The following CRYL1 variants were observed in gnomAD, a reference collection of about 807,000 sequenced individuals.
CRYL1 encodes lambda-crystallin homolog.
In CRYL1, 29 loss-of-function variants were observed where a neutral mutation model predicts 36.6. That is an observed-to-expected ratio of 0.79 (90% CI 0.59 to 1.08). The LOEUF is 1.08. CRYL1 is among the 50% of genes least tolerant of loss of function. The probability of loss-of-function intolerance (pLI) is 0.00; values close to 1 mark genes in which losing one functional copy is unlikely to be tolerated. For synonymous variants in CRYL1, 152 were observed against 151.5 expected (o/e 1.00, Z -0.02); for missense variants, 411 against 407.9 (o/e 1.01, Z -0.06).
intron 2 of CRYL1, among the ~76,000 whole-genome samples, chr13:20,491,960 G>A (rs369269097): frequency 6.6e-6 from 1 of 152,138 alleles, no homozygotes; most frequent in Non-Finnish European, 1.5e-5. Flanking sequence ...AAAAAGAACT[G>A]GTCCAAGGTA....
chr13:20,431,511 C>G, intron 5 of CRYL1: 1 of 998,576 alleles, frequency 1.0e-6, no homozygotes, highest in Non-Finnish European at 1.2e-6. Context: ...GGCACCACGG[C>G]CCCTCATGCA....
In CRYL1 at chr13:20,420,701, T is replaced by TTTTTTTTTTTTTTTTTTTTTTTTTG; in HGVS notation, c.634-7315_634-7314insCAAAAAAAAAAAAAAAAAAAAAAAA. Among the ~76,000 whole-genome samples, 7 of 21,840 alleles carry TTTTTTTTTTTTTTTTTTTTTTTTTG rather than the reference T, an allele frequency of 3.2e-4. 1 individual carries two copies. Among genetic ancestry groups the TTTTTTTTTTTTTTTTTTTTTTTTTG allele is most frequent in the Non-Finnish European group, 8.2e-4 (6 of 7,326 alleles). 14.3% of individuals were successfully genotyped at this position (21,840 alleles called of 152,430 possible). On this transcript the variant is annotated intron_variant, in intron 5 of 7. Coordinates refer to ENST00000298248, the MANE Select transcript of CRYL1 (RefSeq NM_015974.3). ...CTTTGACTTTTCTTTAAAATAGAGG[T>TTTTTTTTTTTTTTTTTTTTTTTTTG]TGTGTGTGTGTGTGTGTGTGTGTGT...
chr13:20,459,235 C>CAAAAAAAA (rs61255031), intron 3 of CRYL1, among the ~76,000 whole-genome samples: 1 of 78,434 alleles, frequency 1.3e-5, no homozygotes, highest in Non-Finnish European at 2.5e-5. Flanking sequence ...GACTCCATCT[C>CAAAAAAAA]AAAAAAAAAA....
chr13:20,424,927 T>C lies in CRYL1; in HGVS notation c.633+7175A>G, dbSNP rs115133002. Reference sequence around the variant, plus strand: ...GTTCAGTTTTCAAGTAGGTAAGATGTAGAACCCCTCCAGCTGAGGCATGGT... The same window carrying C: ...GTTCAGTTTTCAAGTAGGTAAGATGCAGAACCCCTCCAGCTGAGGCATGGT... On this transcript the variant is annotated intron_variant, in intron 5 of 7. Transcript: ENST00000298248. 9.8e-3 allele frequency among the ~76,000 whole-genome samples: 1,493 copies of C among 152,236 alleles called. 26 individuals carry two copies. Among genetic ancestry groups the C allele is most frequent in the African/African-American group, 0.033 (1,368 of 41,556 alleles).
intron 1 of CRYL1, among the ~76,000 whole-genome samples, chr13:20,513,139 C>T (rs891038969): frequency 3.9e-5 from 6 of 152,038 alleles, no homozygotes; most frequent in Non-Finnish European, 7.4e-5. Flanking sequence ...CTGTTTCCAC[C>T]CAGGAGCTCC....
chr13:20,442,460 C>T (rs988864052), intron 3 of CRYL1, among the ~76,000 whole-genome samples: 2 of 152,200 alleles, frequency 1.3e-5, no homozygotes, highest in African/African-American at 4.8e-5. Context: ...GGGAGTCTGA[C>T]AAATTTATCA....
At chr13:20,445,261 T>C (rs1002256259) in intron 3 of CRYL1, among the ~76,000 whole-genome samples, 1 of 152,192 alleles carries the variant, frequency 6.6e-6, no homozygotes, top group Non-Finnish European at 1.5e-5. Context: ...TAACTGTTTA[T>C]TTCAAAAGCA....
At chr13:20,469,641 T>C (rs2033014131) in intron 3 of CRYL1, among the ~76,000 whole-genome samples, 1 of 152,224 alleles carries the variant, frequency 6.6e-6, no homozygotes, top group Admixed American at 6.5e-5. Context: ...GGTATCTGTT[T>C]ATTCTCAGGC....
At chr13:20,460,450 A>C (rs1245193718) in intron 3 of CRYL1, among the ~76,000 whole-genome samples, 7 of 150,936 alleles carry the variant, frequency 4.6e-5, no homozygotes, top group Non-Finnish European at 8.9e-5. Flanking sequence ...CCACAGCCTC[A>C]ACACTGGGTG....
intron 3 of CRYL1, among the ~76,000 whole-genome samples, chr13:20,485,953 C>T (rs915242528): frequency 2.0e-5 from 3 of 151,844 alleles, no homozygotes; most frequent in Non-Finnish European, 2.9e-5. Context: ...AGTCTTACTC[C>T]AGTTGCCCAG....
intron 2 of CRYL1, among the ~76,000 whole-genome samples, chr13:20,498,174 G>A (rs9552212): frequency 0.51 from 74,603 of 147,362 alleles, 19,522 homozygotes; most frequent in Non-Finnish European, 0.59. Context: ...TACATACACC[G>A]CATATACACA....
At chr13:20,444,052 T>A (rs1416697252) in intron 3 of CRYL1, among the ~76,000 whole-genome samples, 1 of 152,216 alleles carries the variant, frequency 6.6e-6, no homozygotes, top group Non-Finnish European at 1.5e-5. Flanking sequence ...AGGAGTACAA[T>A]CTTTAAAATC....
At chr13:20,487,310 G>GA (rs371238570) in intron 3 of CRYL1, among the ~76,000 whole-genome samples, 9 of 151,780 alleles carry the variant, frequency 5.9e-5, no homozygotes, top group African/African-American at 1.9e-4. Flanking sequence ...ATTACAAAAG[G>GA]AAAAAACATC....
At chr13:20,519,146 C>T (rs1008420640) in intron 1 of CRYL1, among the ~76,000 whole-genome samples, 4 of 151,640 alleles carry the variant, frequency 2.6e-5, no homozygotes, top group African/African-American at 4.8e-5. Flanking sequence ...AAGTGAATAT[C>T]GATAAAGAAG....
intron 2 of CRYL1, 104 bp from the exon 3 acceptor site, chr13:20,489,600 C>G (rs1374855579): frequency 8.8e-6 from 12 of 1,370,876 alleles, no homozygotes; most frequent in Non-Finnish European, 1.0e-5. Flanking sequence ...AGCAGAACCA[C>G]AGTGAGATAC....
chr13:20,408,884 T>C (rs2137362126), intron 6 of CRYL1, among the ~76,000 whole-genome samples: 1 of 152,334 alleles, frequency 6.6e-6, no homozygotes, highest in African/African-American at 2.4e-5. Flanking sequence ...TCCATGCTCA[T>C]GGGTAGGAAG....
intron 2 of CRYL1, among the ~76,000 whole-genome samples, chr13:20,499,974 TG>T (rs561192230): frequency 4.2e-4 from 64 of 152,172 alleles, no homozygotes; most frequent in African/African-American, 1.5e-3. Context: ...CTTGTTTCTT[TG>T]GGGGGAGTTC....
Position 20,413,339 on chromosome 13 carries a change from A to G in CRYL1, c.682T>C (p.Leu228=), listed in dbSNP as rs1275802931. The G allele has an allele frequency of 6.2e-7, 1 of 1,613,764 alleles. No homozygotes were observed. Among genetic ancestry groups the G allele is most frequent in the Admixed American group, 1.7e-5 (1 of 59,926 alleles). ...SDLDLVMSEG[L]GMRYAFIGPL... is the part of the protein sequence containing the mutation. ...CCAATGAATGCATACCGCATGCCCA[A>G]CCCTTCTGACATGACAAGGTCCAGG... The change falls in exon 6 of 8, where the codon TTG becomes CTG. Residue 228 remains leucine (L), a synonymous_variant. Transcript: ENST00000298248.
intron 3 of CRYL1, among the ~76,000 whole-genome samples, chr13:20,470,634 C>T (rs568008949): frequency 1.3e-5 from 2 of 152,234 alleles, no homozygotes; most frequent in African/African-American, 4.8e-5. Flanking sequence ...CCCGGCCAGG[C>T]GCGGTGGCTC....
Sources: gnomAD v4.1 joint callset for allele counts (sites outside exome capture counted in the v4.1 genomes callset) on GRCh38, gnomAD v4.1.1 for gene constraint, MANE v1.5 for transcripts, NCBI Gene and HGNC (gene_info 2026-07-23, HGNC 2026-07-21) for gene names.